RPS6KA1: variants seen among roughly 807,000 people sequenced by gnomAD.
RPS6KA1 encodes ribosomal protein S6 kinase alpha-1.
Under a neutral mutation model 91.3 loss-of-function variants are expected in RPS6KA1, and 48 were observed. The ratio of observed to expected loss-of-function variants is 0.53; its 90% CI spans 0.42 to 0.67. The LOEUF (loss-of-function observed/expected upper bound fraction) is 0.67, where lower values mean the gene tolerates loss of function less well. Ranked by LOEUF, RPS6KA1 falls within the 30% of genes least tolerant of loss-of-function variation. The probability of loss-of-function intolerance (pLI) is 0.00; values close to 1 mark genes in which losing one functional copy is unlikely to be tolerated. For missense variants in RPS6KA1, 719 were observed against 960.5 expected (o/e 0.75, Z 3.32); for synonymous variants, 359 against 384.7 (o/e 0.93, Z 0.78).
chr1:26,568,743 T>C (rs900570436), intron 17 of RPS6KA1, among the ~76,000 whole-genome samples: 2 of 151,624 alleles, frequency 1.3e-5, no homozygotes, highest in African/African-American at 4.8e-5. Context: ...AAAGCAAAAC[T>C]CCATCTCAGA....
intron 6 of RPS6KA1, chr1:26,552,897 G>A: frequency 2.7e-6 from 1 of 366,006 alleles, no homozygotes; most frequent in South Asian, 2.1e-5. Context: ...CCATCTATAG[G>A]TAAACATTTT....
chr1:26,530,205 A>G (rs2075858271), intron 1 of RPS6KA1, among the ~76,000 whole-genome samples: 1 of 152,198 alleles, frequency 6.6e-6, no homozygotes, highest in Non-Finnish European at 1.5e-5. Flanking sequence ...CATAGCCAGG[A>G]GAGGGGATCC....
rs141051128 is a variant in RPS6KA1, at chr1:26,554,627, C to T, written c.645C>T (p.His215=). Residue 215 remains histidine, a synonymous_variant, in exon 9 of 22, where the codon CAC becomes CAT. Coordinates refer to ENST00000374168, the MANE Select transcript of RPS6KA1 (RefSeq NM_002953.4). This position sits in a 1 kb window ranked among gnomAD's most constrained non-coding sequence, Gnocchi z 4.6. ...GCCTGAGCAAAGAGGCCATTGACCA[C>T]GAGAAGAAGGCCTATTCTTTCTGCG... is the stretch of plus-strand genomic sequence containing the variant. ...DFGLSKEAID[H]EKKAYSFCGT... 6.4e-5 allele frequency: 103 copies of T among 1,613,622 alleles called. No homozygotes were observed. Among genetic ancestry groups the T allele is most frequent in the East Asian group, 3.6e-4 (16 of 44,864 alleles).
Position 26,572,159 on chromosome 1 carries a change from T to C in RPS6KA1, c.1830-17T>C, listed in dbSNP as rs1414474100. ...GAGGCCAGAGTCTGTACCCAGACCG[T>C]GCGGGCTTTTCTGCAGATATACTCC... On this transcript the variant is annotated splice_polypyrimidine_tract_variant and intron_variant, in intron 19 of 21. Coordinates refer to ENST00000374168, the MANE Select transcript of RPS6KA1 (RefSeq NM_002953.4). The C allele has an allele frequency of 5.6e-6, 9 of 1,600,990 alleles. No individual in the cohort carries two copies. The highest frequency in any genetic ancestry group is 3.3e-5 in the Admixed American group (2 of 60,004).
At chr1:26,537,050 A>T in intron 2 of RPS6KA1, 81 bp downstream of exon 2, 2 of 1,458,326 alleles carry the variant, frequency 1.4e-6, no homozygotes, top group East Asian at 4.5e-5. Context: ...TGAGGGCTCC[A>T]GCCTCTAGCC....
Position 26,556,640 on chromosome 1 carries a change from T to A in RPS6KA1, c.917-14T>A. The stretch of plus-strand genomic sequence containing the variant: ...TGCCAGCCAGGGACAGACCCTTCAT[T>A]TGGGCTCTTTCAGGCTCCGGCCCTG... On this transcript the variant is annotated splice_polypyrimidine_tract_variant and intron_variant, in intron 11 of 21. Coordinates refer to ENST00000374168, the MANE Select transcript of RPS6KA1 (RefSeq NM_002953.4). 4 of 1,614,066 alleles carry A rather than the reference T, an allele frequency of 2.5e-6. No homozygotes were observed. Among genetic ancestry groups the A allele is most frequent in the Non-Finnish European group, 3.4e-6 (4 of 1,179,952 alleles).
At chr1:26,572,392 C>G (rs1328634426) in intron 20 of RPS6KA1, 99 bp downstream of exon 20, 2 of 783,820 alleles carry the variant, frequency 2.6e-6, no homozygotes, top group Non-Finnish European at 4.4e-6. Flanking sequence ...TTTCTCCAAG[C>G]GGATGTTCCA....
rs2076096761 is a variant in RPS6KA1 at position 26,555,826 on chromosome 1, G to A, written c.916+201G>A. Among the ~76,000 whole-genome samples the A allele has an allele frequency of 6.6e-6, 1 of 152,118 alleles. No homozygotes were observed. The highest frequency in any genetic ancestry group is 2.1e-4 in the South Asian group (1 of 4,830). On this transcript the variant is annotated intron_variant, in intron 11 of 21. Coordinates refer to ENST00000374168, the MANE Select transcript of RPS6KA1 (RefSeq NM_002953.4). The surrounding 1 kb of genome is among the most constrained non-coding windows in gnomAD (Gnocchi z 4.3). ...TGACCTGTGTGTAGGGGGAAGGCAG[G>A]AACTGAGTCATCCCTACTCCCTCTG...
intron 20 of RPS6KA1, among the ~76,000 whole-genome samples, chr1:26,572,864 G>A (rs1007093268): frequency 6.6e-6 from 1 of 152,196 alleles, no homozygotes; most frequent in Non-Finnish European, 1.5e-5. Flanking sequence ...GGGAAACTGA[G>A]GCTCAGAGAG....
rs780828096 is a variant in RPS6KA1, at chr1:26,561,708, TATC to T, written c.1590+50_1590+52del. On this transcript the variant is annotated intron_variant, in intron 17 of 21. Coordinates refer to ENST00000374168, the MANE Select transcript of RPS6KA1 (RefSeq NM_002953.4). The surrounding 1 kb of genome is among the most constrained non-coding windows in gnomAD (Gnocchi z 5.7). ...GGCAGTAGGGGGATGCCAAGGGTCATATCATCAGCAGAGAACATGAACCACCTG... is the reference window on the plus strand; with the variant it reads ...GGCAGTAGGGGGATGCCAAGGGTCATATCAGCAGAGAACATGAACCACCTG... 271 of 1,545,356 alleles carry T rather than the reference TATC, an allele frequency of 1.8e-4. No homozygotes were observed. Among genetic ancestry groups the T allele is most frequent in the Non-Finnish European group, 2.3e-4 (264 of 1,141,932 alleles).
chr1:26,555,444 G>C lies in RPS6KA1; in HGVS notation c.828-93G>C. The C allele has an allele frequency of 7.7e-7, 1 of 1,303,310 alleles. No individual in the cohort carries two copies. Among genetic ancestry groups the C allele is most frequent in the Non-Finnish European group, 1.1e-6 (1 of 924,764 alleles). The allele number at this position is 1,303,310 out of a possible 1,614,324, so 80.7% of individuals were successfully genotyped here. A position where few individuals can be genotyped will look rare whatever the true frequency, so the allele number is the denominator to read the frequency against. On this transcript the variant is annotated intron_variant, in intron 10 of 21. Coordinates refer to ENST00000374168, the MANE Select transcript of RPS6KA1 (RefSeq NM_002953.4). The surrounding 1 kb of genome is among the most constrained non-coding windows in gnomAD (Gnocchi z 4.3). ...AGTGAATTAGTGGATGGCTTGTCTA[G>C]ACTGAGCTGGGAACTAGATCTGGAC...
intron 1 of RPS6KA1, among the ~76,000 whole-genome samples, chr1:26,532,205 G>T (rs1232132409): frequency 6.6e-6 from 1 of 152,136 alleles, no homozygotes; most frequent in Non-Finnish European, 1.5e-5. Context: ...TTCTGCCTGG[G>T]CCTCGCTTAG....
intron 2 of RPS6KA1, chr1:26,543,278 A>G: frequency 7.4e-7 from 1 of 1,344,684 alleles, no homozygotes; most frequent in Non-Finnish European, 1.0e-6. Flanking sequence ...TGGGCAAGGA[A>G]TGGGTTTGGG....
chr1:26,571,235 C>T lies in RPS6KA1; in HGVS notation c.1591-214C>T. ...GGGAGAATTGAGAGTTCAGTTTTGA[C>T]AGGTTAACTTAGAGCTACCTGTAGA... On this transcript the variant is annotated intron_variant, in intron 17 of 21. Coordinates refer to ENST00000374168, the MANE Select transcript of RPS6KA1 (RefSeq NM_002953.4). This position sits in a 1 kb window ranked among gnomAD's most constrained non-coding sequence, Gnocchi z 5.1. 3.7e-6 allele frequency: 2 copies of T among 545,530 alleles called. No homozygotes were observed. The highest frequency in any genetic ancestry group is 2.5e-5 in the South Asian group (1 of 40,440). The allele number at this position is 545,530 out of a possible 1,614,324, so 33.8% of individuals were successfully genotyped here.
At chr1:26,568,350 C>A (rs1234042611) in intron 17 of RPS6KA1, among the ~76,000 whole-genome samples, 3 of 152,210 alleles carry the variant, frequency 2.0e-5, no homozygotes, top group Admixed American at 6.5e-5. Flanking sequence ...AGCTGTACTT[C>A]CCCTCCCCCA....
In RPS6KA1 at chr1:26,551,343, A is replaced by C. The variant is rs2076047692; in HGVS notation, c.308-54A>C. On this transcript the variant is annotated intron_variant, in intron 4 of 21. Coordinates refer to ENST00000374168, the MANE Select transcript of RPS6KA1 (RefSeq NM_002953.4). This position sits in a 1 kb window ranked among gnomAD's most constrained non-coding sequence, Gnocchi z 4.5. ...AGAGATCCCTTAGCGGGGGCTTGGG[A>C]GTGGCTGTGTTGAGTGTCTAGGCTA... 2.0e-6 allele frequency: 3 copies of C among 1,489,204 alleles called. No homozygotes were observed. Among genetic ancestry groups the C allele is most frequent in the Non-Finnish European group, 2.8e-6 (3 of 1,067,904 alleles). 92.2% of individuals were successfully genotyped at this position (1,489,204 alleles called of 1,614,324 possible).
At chr1:26,562,431 G>A (rs1420905436) in intron 17 of RPS6KA1, among the ~76,000 whole-genome samples, 1 of 152,154 alleles carries the variant, frequency 6.6e-6, no homozygotes, top group African/African-American at 2.4e-5. Context: ...CACCGTGGGG[G>A]AGCTGCAAGG....
At chr1:26,542,199 C>T (rs544231944) in intron 2 of RPS6KA1, among the ~76,000 whole-genome samples, 13 of 152,292 alleles carry the variant, frequency 8.5e-5, no homozygotes, top group Middle Eastern at 3.4e-3. Flanking sequence ...TTCTTTGCAT[C>T]TGAGGGACCA....
At position 26,570,002 on chromosome 1, in the gene RPS6KA1, G is replaced by A. The variant is rs1325580671; in HGVS notation, c.1591-1447G>A. On this transcript the variant is annotated intron_variant, in intron 17 of 21. Transcript: ENST00000374168. Reference sequence around the variant, plus strand: ...GGGAGGTTCCATTAGCTTAGGGGAGGAGGAGCAGGAAGATGAGAACATGAG... The same window carrying A: ...GGGAGGTTCCATTAGCTTAGGGGAGAAGGAGCAGGAAGATGAGAACATGAG... Among the ~76,000 whole-genome samples the A allele has an allele frequency of 4.6e-5, 7 of 152,184 alleles. No individual in the cohort carries two copies. In the East Asian group the frequency reaches 1.3e-3, roughly 29 times the overall value.
Sources: allele counts gnomAD v4.1 joint callset (sites outside exome capture counted in the v4.1 genomes callset), GRCh38; gene constraint gnomAD v4.1.1; non-coding constraint Gnocchi (gnomAD v3.1); transcripts MANE v1.5; gene names NCBI Gene and HGNC (gene_info 2026-07-23, HGNC 2026-07-21).